Variants in VPS53 observed in about 807,000 individuals in gnomAD.
VPS53 encodes the protein VPS53 subunit of GARP complex.
Under a neutral mutation model 107.0 loss-of-function variants are expected in VPS53, and 70 were observed. The ratio of observed to expected loss-of-function variants is 0.65; its 90% CI spans 0.54 to 0.80. The LOEUF (loss-of-function observed/expected upper bound fraction) is 0.80, where lower values mean the gene tolerates loss of function less well. VPS53 is among the 30% of genes least tolerant of loss of function. The pLI is 0.00. For missense variants in VPS53, 917 were observed against 1,049.4 expected, an observed-to-expected ratio of 0.87 and a Z score of 1.74; for synonymous variants, 409 against 393.3, an observed-to-expected ratio of 1.04 and a Z score of -0.47.
chr17:557,387 T>C (rs1422503334), intron 15 of VPS53, among the ~76,000 whole-genome samples: 1 of 152,222 alleles, frequency 6.6e-6, no homozygotes, highest in Non-Finnish European at 1.5e-5. Flanking sequence ...CATCTTGAGA[T>C]ACTTAATTAC....
At chr17:635,557 T>G (rs1000975896) in intron 7 of VPS53, among the ~76,000 whole-genome samples, 27 of 152,234 alleles carry the variant, frequency 1.8e-4, no homozygotes, top group African/African-American at 6.5e-4. Context: ...TTAATCCATC[T>G]TGAATTAATT....
In VPS53 at chr17:714,703, C is replaced by G. The variant is rs774768457; in HGVS notation, c.7G>C (p.Glu3Gln). MM[E>Q]EEELEFVEEL... ...TCCACGAACTCCAGTTCCTCCTCCTCCATCATTCCGCCACCCGGCCCCCTG... is the reference window on the plus strand; with the variant it reads ...TCCACGAACTCCAGTTCCTCCTCCTGCATCATTCCGCCACCCGGCCCCCTG... The change falls in exon 1 of 22, where the codon GAG becomes CAG. Residue 3 changes from glutamate to glutamine, a missense_variant. Transcript: ENST00000437048. The G allele has an allele frequency of 6.2e-6, 10 of 1,613,456 alleles. No homozygotes were observed. The highest frequency in any genetic ancestry group is 1.3e-5 in the African/African-American group (1 of 74,946).
intron 16 of VPS53, chr17:552,944 A>C (rs1053209431): frequency 7.2e-5 from 19 of 262,526 alleles, no homozygotes; most frequent in Admixed American, 1.6e-4. Flanking sequence ...GCTGCTGTGT[A>C]GTGGAGAAAG....
chr17:653,218 G>C (rs571535962), intron 7 of VPS53, 73 bp downstream of exon 7: 1 of 1,587,962 alleles, frequency 6.3e-7, no homozygotes, highest in South Asian at 1.2e-5. Flanking sequence ...TTTCCCTCTG[G>C]TGACAGTTTA....
At chr17:658,380 A>G (rs1469066307) in intron 5 of VPS53, among the ~76,000 whole-genome samples, 1 of 143,822 alleles carries the variant, frequency 7.0e-6, no homozygotes, top group Non-Finnish European at 1.5e-5. Context: ...CTCGGCCGTG[A>G]GTTCGTGGAT....
At chr17:590,573 A>C (rs1308943351) in intron 12 of VPS53, among the ~76,000 whole-genome samples, 1 of 152,152 alleles carries the variant, frequency 6.6e-6, no homozygotes, top group East Asian at 1.9e-4. Flanking sequence ...ATTTATTGAG[A>C]GTTTTTAGCA....
chr17:590,284 T>C (rs955316694), intron 12 of VPS53, among the ~76,000 whole-genome samples: 14 of 152,038 alleles, frequency 9.2e-5, no homozygotes, highest in Admixed American at 4.6e-4. Flanking sequence ...TGGGCTGAGA[T>C]AATGGGGTTT....
At chr17:703,474 C>A (rs1489110828) in intron 2 of VPS53, among the ~76,000 whole-genome samples, 1 of 152,204 alleles carries the variant, frequency 6.6e-6, no homozygotes, top group African/African-American at 2.4e-5. Flanking sequence ...TGGCAGTGAT[C>A]CTCACCAGGG....
intron 19 of VPS53, chr17:522,851 C>T (rs967616633): frequency 6.6e-6 from 1 of 152,310 alleles, no homozygotes; most frequent in Non-Finnish European, 1.5e-5. Flanking sequence ...TGAGTAAAGC[C>T]TTACCTACCC....
chr17:709,576 T>G (rs1450500102), intron 2 of VPS53, among the ~76,000 whole-genome samples: 1 of 152,168 alleles, frequency 6.6e-6, no homozygotes, highest in Non-Finnish European at 1.5e-5. Context: ...CTCCCACCAC[T>G]TGATCCTGCA....
chr17:579,781 A>C (rs764328158), intron 13 of VPS53, among the ~76,000 whole-genome samples: 2 of 151,264 alleles, frequency 1.3e-5, no homozygotes, highest in African/African-American at 4.9e-5. Flanking sequence ...TCAGAACCTG[A>C]GTGCATTAAC....
At chr17:540,395 G>C (rs978569520) in intron 17 of VPS53, 4 of 151,966 alleles carry the variant, frequency 2.6e-5, no homozygotes, top group Non-Finnish European at 4.4e-5. Context: ...GTAGAGACAG[G>C]GGTCTCACCG....
At chr17:673,111 C>CAAAAAAA (rs144893124) in intron 4 of VPS53, among the ~76,000 whole-genome samples, 1 of 85,058 alleles carries the variant, frequency 1.2e-5, no homozygotes. Flanking sequence ...GATTCCGTCG[C>CAAAAAAA]AAAAAAAAAA....
intron 7 of VPS53, among the ~76,000 whole-genome samples, chr17:648,615 C>T (rs1970798232): frequency 6.6e-6 from 1 of 152,098 alleles, no homozygotes; most frequent in African/African-American, 2.4e-5. Context: ...TTGAGAAATG[C>T]TAAAGAGAAA....
At chr17:586,218 G>T in intron 13 of VPS53, 52 bp downstream of exon 13, 1 of 1,558,476 alleles carries the variant, frequency 6.4e-7, no homozygotes, top group South Asian at 1.1e-5. Context: ...ACCCAGTCAT[G>T]ACCAGAGCGG....
At chr17:707,919 C>T (rs1012193457) in intron 2 of VPS53, among the ~76,000 whole-genome samples, 14 of 151,800 alleles carry the variant, frequency 9.2e-5, no homozygotes, top group African/African-American at 1.2e-4. Flanking sequence ...AAACTGGCAA[C>T]GATAAGCCTA....
chr17:598,770 G>A (rs1445649123), intron 12 of VPS53, among the ~76,000 whole-genome samples: 5 of 117,922 alleles, frequency 4.2e-5, no homozygotes, highest in Non-Finnish European at 7.4e-5. Context: ...CCCGGCAGCC[G>A]CCCCGTCTGA....
At chr17:709,799 C>T (rs1334465574) in intron 2 of VPS53, among the ~76,000 whole-genome samples, 1 of 152,148 alleles carries the variant, frequency 6.6e-6, no homozygotes, top group African/African-American at 2.4e-5. Context: ...TAAGAAAATC[C>T]ATCTCCACAG....
chr17:588,590 T>C (rs747877139), intron 12 of VPS53, among the ~76,000 whole-genome samples: 4 of 152,230 alleles, frequency 2.6e-5, no homozygotes, highest in Non-Finnish European at 5.9e-5. Flanking sequence ...CTCTTCCCTT[T>C]TTACCTTTCA....
Sources: gnomAD v4.1 joint callset for allele counts (sites outside exome capture counted in the v4.1 genomes callset) on GRCh38, gnomAD v4.1.1 for gene constraint, MANE v1.5 for transcripts, NCBI Gene and HGNC (gene_info 2026-07-23, HGNC 2026-07-21) for gene names.